Variants in CSMD1 observed in about 807,000 individuals in gnomAD.
CSMD1 encodes the protein CUB and Sushi multiple domains 1.
In CSMD1, 213 loss-of-function variants were observed where a neutral mutation model predicts 417.5. That is an observed-to-expected ratio of 0.51 (90% CI 0.46 to 0.57). The LOEUF (loss-of-function observed/expected upper bound fraction) is 0.57, where lower values mean the gene tolerates loss of function less well. Among genes scored for constraint, CSMD1 ranks in the 20% least tolerant of loss-of-function variants. CSMD1 has a pLI of 0.00. For missense variants in CSMD1, 6,923 were observed against 4,529.7 expected, an observed-to-expected ratio of 1.53 and a Z score of -15.17; for synonymous variants, 2,862 against 1,736.8, an observed-to-expected ratio of 1.65 and a Z score of -16.11.
chr8:3,716,758 C>T (rs995090383), intron 6 of CSMD1, among the ~76,000 whole-genome samples: 4 of 152,112 alleles, frequency 2.6e-5, no homozygotes, highest in South Asian at 2.1e-4. Context: ...CTGGTTCAAA[C>T]GCCTCTTGAC....
In CSMD1 at chr8:4,455,791, T is replaced by C. The variant is rs138943266; in HGVS notation, c.303-35726A>G. Among the ~76,000 whole-genome samples the C allele has an allele frequency of 6.1e-3, 918 of 150,868 alleles. 6 individuals are homozygous for C. The highest frequency in any genetic ancestry group is 0.022 in the African/African-American group (884 of 41,096). On this transcript the variant is annotated intron_variant, in intron 2 of 69. Coordinates refer to ENST00000635120, the MANE Select transcript of CSMD1 (RefSeq NM_033225.6). The stretch of plus-strand genomic sequence containing the variant: ...ACTAAAAATACAAAAATTCGCTGGA[T>C]GTGGTGGCATGTGCCTGGAATCCCA...
chr8:4,920,876 GAAAAGAAAAGAAAAGAAAAGAAAAGAAA>G (rs1806399104), intron 1 of CSMD1, among the ~76,000 whole-genome samples: 1 of 19,954 alleles, frequency 5.0e-5, no homozygotes, highest in African/African-American at 9.3e-5. Context: ...GAAAAGAAAA[GAAAAGAAAAGAAAAGAAAAGAAAAGAAA>G]AGAAAAGAAA....
At chr8:3,880,575 T>C (rs1806140801) in intron 5 of CSMD1, among the ~76,000 whole-genome samples, 1 of 152,328 alleles carries the variant, frequency 6.6e-6, no homozygotes, top group East Asian at 1.9e-4. Context: ...TAGCCAGTTA[T>C]CTTCCACTAC....
chr8:4,076,783 C>T (rs934856448), intron 3 of CSMD1, among the ~76,000 whole-genome samples: 1 of 152,122 alleles, frequency 6.6e-6, no homozygotes, highest in Admixed American at 6.6e-5. Flanking sequence ...TGAACAACAA[C>T]CATATCAGAG....
intron 26 of CSMD1, among the ~76,000 whole-genome samples, chr8:3,246,613 A>C (rs899488973): frequency 2.0e-5 from 3 of 152,118 alleles, no homozygotes; most frequent in Non-Finnish European, 2.9e-5. Context: ...CTGGGATTAC[A>C]GGCATGTGCT....
intron 3 of CSMD1, among the ~76,000 whole-genome samples, chr8:4,289,040 A>G (rs1212226766): frequency 6.6e-6 from 1 of 152,202 alleles, no homozygotes; most frequent in Non-Finnish European, 1.5e-5. Flanking sequence ...TGACTGTCAT[A>G]ATGAGCATAA....
intron 5 of CSMD1, among the ~76,000 whole-genome samples, chr8:3,815,693 G>C (rs1375388469): frequency 6.7e-6 from 1 of 150,362 alleles, no homozygotes; most frequent in African/African-American, 2.5e-5. Context: ...CAATGATGGT[G>C]ACTTTTTCAT....
At chr8:4,185,629 T>G (rs1029376652) in intron 3 of CSMD1, among the ~76,000 whole-genome samples, 2 of 152,214 alleles carry the variant, frequency 1.3e-5, no homozygotes, top group African/African-American at 4.8e-5. Context: ...GTTATTTAAA[T>G]AGCTAATGTA....
intron 2 of CSMD1, among the ~76,000 whole-genome samples, chr8:4,533,586 C>T (rs1167446315): frequency 1.3e-5 from 2 of 151,976 alleles, no homozygotes; most frequent in African/African-American, 4.8e-5. Flanking sequence ...ATTAACCAAT[C>T]CGAGAAGAGG....
chr8:3,821,601 G>A (rs1479538358), intron 5 of CSMD1, among the ~76,000 whole-genome samples: 1 of 152,132 alleles, frequency 6.6e-6, no homozygotes, highest in Non-Finnish European at 1.5e-5. Context: ...GGCCAACACA[G>A]TGAAACCCTG....
At chr8:3,801,754 T>G (rs1209059490) in intron 5 of CSMD1, among the ~76,000 whole-genome samples, 1 of 152,122 alleles carries the variant, frequency 6.6e-6, no homozygotes, top group Non-Finnish European at 1.5e-5. Context: ...CTGGACAAAC[T>G]AATATAGCAT....
intron 36 of CSMD1, chr8:3,182,897 TATTGTTA>T (rs1821484493): frequency 2.9e-5 from 4 of 138,880 alleles, no homozygotes; most frequent in Non-Finnish European, 4.5e-5. Flanking sequence ...TGTGTGTGTG[TATTGTTA>T]GTAGAGAAGG....
At chr8:3,754,427 T>A (rs1467440493) in intron 5 of CSMD1, among the ~76,000 whole-genome samples, 1 of 137,780 alleles carries the variant, frequency 7.3e-6, no homozygotes, top group Non-Finnish European at 1.6e-5. Context: ...GAAGACTTAG[T>A]AATTCCTTAT....
At chr8:4,411,577 T>C (rs1030066942) in intron 3 of CSMD1, among the ~76,000 whole-genome samples, 2 of 152,194 alleles carry the variant, frequency 1.3e-5, no homozygotes, top group Admixed American at 1.3e-4. Flanking sequence ...CTCATTGCAA[T>C]GAGCTAAATA....
intron 3 of CSMD1, among the ~76,000 whole-genome samples, chr8:4,388,548 G>C (rs1053058864): frequency 2.0e-5 from 3 of 151,558 alleles, no homozygotes; most frequent in Non-Finnish European, 2.9e-5. Context: ...TTTGGGGACT[G>C]AGGGGGAAGG....
intron 41 of CSMD1, among the ~76,000 whole-genome samples, chr8:3,140,327 TTCTC>T (rs531790394): frequency 3.7e-5 from 5 of 134,116 alleles, no homozygotes; most frequent in African/African-American, 5.3e-5. Flanking sequence ...CTCTCTGATG[TTCTC>T]TCTCTCTCTC....
rs1371728031 is a variant in CSMD1, at chr8:4,725,341, G to C, written c.86-87783C>G. On this transcript the variant is annotated intron_variant, in intron 1 of 69. Coordinates refer to ENST00000635120, the MANE Select transcript of CSMD1 (RefSeq NM_033225.6). ...TTAGCATTATCAGCATCCAGTTCTAGAAAGTCCTAGCAAAATTAATTACAT... is the reference window on the plus strand; with the variant it reads ...TTAGCATTATCAGCATCCAGTTCTACAAAGTCCTAGCAAAATTAATTACAT... Among the ~76,000 whole-genome samples the C allele has an allele frequency of 7.9e-5, 12 of 152,250 alleles. No individual in the cohort carries two copies. The East Asian group carries it at 2.1e-3, about 27-fold the overall frequency.
chr8:4,400,338 G>C (rs192170842), intron 3 of CSMD1, among the ~76,000 whole-genome samples: 6 of 152,222 alleles, frequency 3.9e-5, no homozygotes, highest in Non-Finnish European at 8.8e-5. Context: ...TGTTTTGTGT[G>C]TGTTATAAAT....
intron 23 of CSMD1, among the ~76,000 whole-genome samples, chr8:3,317,902 G>C (rs959698484): frequency 3.5e-4 from 54 of 152,226 alleles, no homozygotes; most frequent in African/African-American, 1.2e-3. Flanking sequence ...CCTTGACCTA[G>C]CAGGCTCAAG....
Sources: gnomAD v4.1 joint callset for allele counts (sites outside exome capture counted in the v4.1 genomes callset) on GRCh38, gnomAD v4.1.1 for gene constraint, MANE v1.5 for transcripts, NCBI Gene and HGNC (gene_info 2026-07-23, HGNC 2026-07-21) for gene names.